The following FOCAD variants were observed in gnomAD, a reference collection of about 807,000 sequenced individuals.
FOCAD encodes focadhesin.
A neutral mutation model predicts 225.6 loss-of-function variants in FOCAD; 198 were observed. The observed-to-expected ratio is 0.88, with a 90% confidence interval of 0.78 to 0.99. The LOEUF (loss-of-function observed/expected upper bound fraction) is 0.99, where lower values mean the gene tolerates loss of function less well. Among genes scored for constraint, FOCAD ranks in the 50% least tolerant of loss-of-function variants. The probability of loss-of-function intolerance (pLI) is 0.00; values close to 1 mark genes in which losing one functional copy is unlikely to be tolerated. For synonymous variants in FOCAD, 897 were observed against 755.0 expected (o/e 1.19, Z -3.08); for missense variants, 2,713 against 2,123.6 (o/e 1.28, Z -5.46).
intron 1 of FOCAD, among the ~76,000 whole-genome samples, chr9:20,692,908 A>G (rs1823059280): frequency 6.6e-6 from 1 of 152,182 alleles, no homozygotes; most frequent in Non-Finnish European, 1.5e-5. Flanking sequence ...GTTTGTATAC[A>G]GAGATTGGGA....
At chr9:20,684,682 C>T (rs1343980450) in intron 1 of FOCAD, 1 of 152,352 alleles carries the variant, frequency 6.6e-6, no homozygotes, top group Non-Finnish European at 1.5e-5. Flanking sequence ...GTCCCACTCT[C>T]CTTCGACCGG....
At chr9:20,671,974 C>T (rs929237968) in intron 2 of FOCAD, among the ~76,000 whole-genome samples, 3 of 151,888 alleles carry the variant, frequency 2.0e-5, no homozygotes, top group Middle Eastern at 3.4e-3. Context: ...AATCAGCAAC[C>T]GTTGTAGTTT....
At chr9:20,961,974 G>A (rs1206531284) in intron 35 of FOCAD, among the ~76,000 whole-genome samples, 1 of 152,120 alleles carries the variant, frequency 6.6e-6, no homozygotes, top group Non-Finnish European at 1.5e-5. Context: ...TTTAAAAACT[G>A]TCTTGATTGT....
intron 1 of FOCAD, among the ~76,000 whole-genome samples, chr9:20,702,806 ATTAG>A (rs1407209656): frequency 5.9e-5 from 9 of 151,920 alleles, no homozygotes; most frequent in African/African-American, 1.9e-4. Flanking sequence ...ATCTCGTGGA[ATTAG>A]TTAAAGTGTC....
intron 4 of FOCAD, among the ~76,000 whole-genome samples, chr9:20,738,197 A>T (rs1165722478): frequency 1.3e-5 from 2 of 152,258 alleles, no homozygotes; most frequent in Non-Finnish European, 2.9e-5. Flanking sequence ...GAAGTTTCTC[A>T]GAAGAATGTG....
At chr9:20,720,774 C>G (rs1451107427) in intron 4 of FOCAD, among the ~76,000 whole-genome samples, 1 of 152,064 alleles carries the variant, frequency 6.6e-6, no homozygotes, top group Non-Finnish European at 1.5e-5. Flanking sequence ...TGTCGTTGCC[C>G]TTTTTAAGAA....
intron 11 of FOCAD, among the ~76,000 whole-genome samples, chr9:20,798,028 C>T (rs1164146596): frequency 6.6e-6 from 1 of 152,042 alleles, no homozygotes; most frequent in Admixed American, 6.5e-5. Flanking sequence ...CCCATGAATA[C>T]CTAATTTATT....
At chr9:20,756,938 T>A (rs1829105509) in intron 5 of FOCAD, among the ~76,000 whole-genome samples, 1 of 151,514 alleles carries the variant, frequency 6.6e-6, no homozygotes, top group Admixed American at 6.6e-5. Context: ...CATTTTAATG[T>A]TTTTTTTTGA....
At chr9:20,933,180 G>T in intron 28 of FOCAD, 77 bp downstream of exon 28, 1 of 1,006,448 alleles carries the variant, frequency 9.9e-7, no homozygotes, top group South Asian at 1.4e-5. Flanking sequence ...GCATGCTATG[G>T]AGAAATATTT....
chr9:20,816,743 T>A (rs570511043), intron 11 of FOCAD, among the ~76,000 whole-genome samples: 2 of 152,170 alleles, frequency 1.3e-5, no homozygotes, highest in African/African-American at 4.8e-5. Flanking sequence ...TATTAGCTGG[T>A]TTTTCATCTG....
intron 21 of FOCAD, among the ~76,000 whole-genome samples, chr9:20,891,223 T>C (rs922734013): frequency 2.6e-5 from 4 of 152,132 alleles, no homozygotes; most frequent in African/African-American, 9.7e-5. Context: ...TCCCCCCAAT[T>C]GGGCCTCCCT....
chr9:20,710,863 G>T (rs1419786625), intron 1 of FOCAD, among the ~76,000 whole-genome samples: 3 of 152,182 alleles, frequency 2.0e-5, no homozygotes, highest in Admixed American at 6.5e-5. Context: ...ATTATGTCAA[G>T]AAATTTTGTA....
intron 15 of FOCAD, among the ~76,000 whole-genome samples, chr9:20,846,850 C>T (rs1827164016): frequency 1.3e-5 from 2 of 152,066 alleles, no homozygotes; most frequent in Non-Finnish European, 2.9e-5. Context: ...TTAGTGCTTA[C>T]CCATTGCCAA....
At chr9:20,764,574 C>G (rs949411505) in intron 6 of FOCAD, among the ~76,000 whole-genome samples, 1 of 152,158 alleles carries the variant, frequency 6.6e-6, no homozygotes, top group South Asian at 2.1e-4. Context: ...CTTGTGTTCA[C>G]TAAACACTGA....
At position 20,800,179 on chromosome 9, in the gene FOCAD, ACT is replaced by A. The variant is rs199867072; in HGVS notation, c.1455+10576_1455+10577del. ...TTAAAATTGTTAAATATTGGCTCCC[ACT>A]CTCTTCTGGCTTGTAGAGTTTCTGC... On this transcript the variant is annotated intron_variant, in intron 11 of 43. Transcript: ENST00000338382. Among the ~76,000 whole-genome samples the A allele has an allele frequency of 8.8e-4, 134 of 151,956 alleles. 3 individuals are homozygous for A. The East Asian group carries it at 0.023, about 26-fold the overall frequency.
chr9:20,741,882 T>G (rs1827649177), intron 5 of FOCAD, among the ~76,000 whole-genome samples: 1 of 152,136 alleles, frequency 6.6e-6, no homozygotes, highest in African/African-American at 2.4e-5. Context: ...TTCAATTTAG[T>G]TGTTGTTAAG....
intron 15 of FOCAD, among the ~76,000 whole-genome samples, chr9:20,837,416 A>G (rs1326280189): frequency 6.6e-6 from 1 of 152,084 alleles, no homozygotes; most frequent in Non-Finnish European, 1.5e-5. Flanking sequence ...AGTGGTTGCA[A>G]ATTGTGCTCA....
chr9:20,991,341 T>C (rs984616205), intron 42 of FOCAD, among the ~76,000 whole-genome samples: 2 of 152,202 alleles, frequency 1.3e-5, no homozygotes, highest in Admixed American at 6.5e-5. Flanking sequence ...AAACTAACTT[T>C]TTTTTGCTTA....
At chr9:20,663,629 A>G (rs1466669057) in intron 2 of FOCAD, among the ~76,000 whole-genome samples, 1 of 152,192 alleles carries the variant, frequency 6.6e-6, no homozygotes, top group Non-Finnish European at 1.5e-5. Context: ...CCCTCTTTTC[A>G]AAGAATTCAA....
Sources: gnomAD v4.1 joint callset for allele counts (sites outside exome capture counted in the v4.1 genomes callset) on GRCh38, gnomAD v4.1.1 for gene constraint, MANE v1.5 for transcripts, NCBI Gene and HGNC (gene_info 2026-07-23, HGNC 2026-07-21) for gene names.